Variants in THOC2 observed in about 807,000 individuals in gnomAD.
The protein encoded by THOC2 is THO complex 2.
Under a neutral mutation model 128.4 loss-of-function variants are expected in THOC2, and 10 were observed. That is an observed-to-expected ratio of 0.08 (90% CI 0.05 to 0.13). The LOEUF is 0.13. Ranked by LOEUF, THOC2 falls within the 10% of genes least tolerant of loss-of-function variation. The pLI, the probability that THOC2 is intolerant of heterozygous loss-of-function variation, is 1.00. For synonymous variants in THOC2, 393 were observed against 396.9 expected, an observed-to-expected ratio of 0.99 and a Z score of 0.12; for missense variants, 535 against 1,155.7, an observed-to-expected ratio of 0.46 and a Z score of 7.79.
chrX:123,662,587 CAAAA>C (rs777761030), intron 12 of THOC2, among the ~76,000 whole-genome samples: 1 of 47,460 alleles, frequency 2.1e-5, no homozygotes, highest in Non-Finnish European at 3.9e-5. Context: ...GACTCCGTCT[CAAAA>C]AAAAAAAAAA....
At position 123,626,516 on chromosome X, in the gene THOC2, C is replaced by T. The variant is rs1474801305; in HGVS notation, c.2899+5G>A. 7 of 1,174,132 alleles carry T rather than the reference C, an allele frequency of 6.0e-6. No homozygotes were observed. The highest frequency in any genetic ancestry group is 1.1e-6 in the Non-Finnish European group (1 of 883,569). ...ATCAGGAACCTAACAATTCCAACAA[C>T]TTACTTGCTAAAAGCCAGTTGTCCT... On this transcript the variant is annotated splice_donor_5th_base_variant and intron_variant, in intron 24 of 38. Transcript: ENST00000245838.
At chrX:123,731,470 T>A (rs1435836325) in intron 1 of THOC2, among the ~76,000 whole-genome samples, 1 of 112,275 alleles carries the variant, frequency 8.9e-6, no homozygotes, top group East Asian at 2.8e-4. Context: ...GTGCATGAGC[T>A]GTCCTGAGAA....
intron 12 of THOC2, among the ~76,000 whole-genome samples, chrX:123,652,576 C>G (rs567101772): frequency 7.1e-5 from 8 of 112,227 alleles, no homozygotes; most frequent in African/African-American, 2.3e-4. Context: ...TAAGCAACCT[C>G]AGCAAAGTCT....
In THOC2 at chrX:123,682,675, T is replaced by C. The variant is rs953369040; in HGVS notation, c.768+3873A>G. Among the ~76,000 whole-genome samples the C allele has an allele frequency of 2.7e-4, 30 of 112,129 alleles. 1 individual carries two copies. Among genetic ancestry groups the C allele is most frequent in the African/African-American group, 8.7e-4 (27 of 30,859 alleles). On this transcript the variant is annotated intron_variant, in intron 8 of 38. Transcript: ENST00000245838. Reference sequence around the variant, plus strand: ...CTGTATTTTTCCCCATCTCATTAATTGTTTTCTAACATATAATTTACTCAG... The same window carrying C: ...CTGTATTTTTCCCCATCTCATTAATCGTTTTCTAACATATAATTTACTCAG...
chrX:123,624,775 G>C, intron 25 of THOC2, 106 bp from the exon 26 acceptor site: 1 of 762,115 alleles, frequency 1.3e-6, no homozygotes, highest in Non-Finnish European at 1.9e-6. Context: ...GGTAAGCCTA[G>C]TCAAAATGTA....
intron 19 of THOC2, among the ~76,000 whole-genome samples, chrX:123,635,865 T>C (rs1818958714): frequency 2.7e-5 from 3 of 111,978 alleles, no homozygotes; most frequent in Admixed American, 9.5e-5. Context: ...TTAACATATA[T>C]AGTCATATAG....
At chrX:123,690,500 G>C (rs1347439340) in intron 7 of THOC2, among the ~76,000 whole-genome samples, 2 of 111,276 alleles carry the variant, frequency 1.8e-5, no homozygotes, top group African/African-American at 6.6e-5. Flanking sequence ...AAAGCAACTG[G>C]AGTTTCCCCA....
intron 22 of THOC2, 152 bp downstream of exon 22, chrX:123,631,536 A>G (rs2047485142): frequency 5.4e-6 from 3 of 553,561 alleles, no homozygotes; most frequent in Non-Finnish European, 8.7e-6. Flanking sequence ...CCTCTACCAC[A>G]CAGCTTCGTA....
At chrX:123,609,173 T>A (rs1444868534) in intron 38 of THOC2, among the ~76,000 whole-genome samples, 1 of 112,109 alleles carries the variant, frequency 8.9e-6, no homozygotes, top group Non-Finnish European at 1.9e-5. Flanking sequence ...AGACCACATG[T>A]GACAGCAAAA....
chrX:123,695,978 CTTG>C (rs766465794), intron 7 of THOC2, 40 bp downstream of exon 7: 35 of 906,063 alleles, frequency 3.9e-5, no homozygotes, highest in Non-Finnish European at 4.8e-5. Flanking sequence ...GCTAAAATAA[CTTG>C]TTATCTTAAC....
At chrX:123,684,210 A>T (rs2049913000) in intron 8 of THOC2, among the ~76,000 whole-genome samples, 1 of 111,781 alleles carries the variant, frequency 8.9e-6, no homozygotes, top group African/African-American at 3.3e-5. Context: ...ATTCACTGTC[A>T]TATGCTCTCA....
intron 1 of THOC2, 101 bp downstream of exon 1, chrX:123,732,851 G>T: frequency 1.1e-6 from 1 of 910,344 alleles, no homozygotes; most frequent in South Asian, 2.0e-5. Context: ...GGGTGGGGGA[G>T]GGGGTACATC....
At chrX:123,711,982 A>AT (rs2051210047) in intron 2 of THOC2, among the ~76,000 whole-genome samples, 3 of 105,215 alleles carry the variant, frequency 2.9e-5, no homozygotes, top group African/African-American at 1.0e-4. Flanking sequence ...AAAAAAAAAA[A>AT]GTATATCCTC....
At chrX:123,610,994 T>G in intron 37 of THOC2, 31 bp from the exon 38 acceptor site, 1 of 1,199,572 alleles carries the variant, frequency 8.3e-7, no homozygotes, top group Non-Finnish European at 1.1e-6. Flanking sequence ...AAACAACTTT[T>G]GGGAATGGCG....
At chrX:123,690,498 TG>T (rs1200753523) in intron 7 of THOC2, among the ~76,000 whole-genome samples, 1 of 111,430 alleles carries the variant, frequency 9.0e-6, no homozygotes, top group Non-Finnish European at 1.9e-5. Context: ...AAAAAGCAAC[TG>T]GAGTTTCCCC....
chrX:123,649,739 G>A (rs1310548776), intron 12 of THOC2, among the ~76,000 whole-genome samples: 4 of 110,789 alleles, frequency 3.6e-5, no homozygotes, highest in Non-Finnish European at 5.7e-5. Flanking sequence ...AACAAAATGT[G>A]AAGACAAGAT....
In THOC2 at chrX:123,611,053, T is replaced by C. The variant is rs976896696; in HGVS notation, c.4755-90A>G. 1.3e-5 allele frequency: 11 copies of C among 871,566 alleles called. No homozygotes were observed. In the African/African-American group the frequency reaches 2.2e-4, roughly 18 times the overall value. The allele number at this position is 871,566 out of a possible 1,213,427, so 71.8% of individuals were successfully genotyped here. A position where few individuals can be genotyped will look rare whatever the true frequency, so the allele number is the denominator to read the frequency against. On this transcript the variant is annotated intron_variant, in intron 37 of 38. Transcript: ENST00000245838. ...AGTACAGCACCTCAGGTTGCAGGCCTAAATGGGCTCTGACCAGCCTGGTAG... is the reference window on the plus strand; with the variant it reads ...AGTACAGCACCTCAGGTTGCAGGCCCAAATGGGCTCTGACCAGCCTGGTAG...
intron 38 of THOC2, among the ~76,000 whole-genome samples, chrX:123,610,038 T>A (rs1283048612): frequency 9.2e-6 from 1 of 108,397 alleles, no homozygotes; most frequent in African/African-American, 3.4e-5. Flanking sequence ...CAAAAAAAAA[T>A]AAAAATAAAA....
chrX:123,660,204 T>C (rs1405209668), intron 12 of THOC2, among the ~76,000 whole-genome samples: 4 of 111,295 alleles, frequency 3.6e-5, no homozygotes, highest in Non-Finnish European at 7.5e-5. Flanking sequence ...GTGTACAGGA[T>C]GAATGCAATG....
Sources: gnomAD v4.1 joint callset for allele counts (sites outside exome capture counted in the v4.1 genomes callset) on GRCh38, gnomAD v4.1.1 for gene constraint, MANE v1.5 for transcripts, NCBI Gene and HGNC (gene_info 2026-07-23, HGNC 2026-07-21) for gene names.